The following FSTL4 variants were observed in gnomAD, a reference collection of about 807,000 sequenced individuals.
The protein encoded by FSTL4 is follistatin like 4, also known as follistatin-related protein 4.
FSTL4 carries 28 observed loss-of-function variants against 78.2 expected under a neutral mutation model. The ratio of observed to expected loss-of-function variants is 0.36; its 90% CI spans 0.27 to 0.49. The LOEUF (loss-of-function observed/expected upper bound fraction) is 0.49, where lower values mean the gene tolerates loss of function less well. Ranked by LOEUF, FSTL4 falls within the 20% of genes least tolerant of loss-of-function variation. FSTL4 has a pLI of 0.98. For missense variants in FSTL4, 922 were observed against 1,084.9 expected (o/e 0.85, Z 2.11); for synonymous variants, 422 against 440.5 (o/e 0.96, Z 0.53).
intron 3 of FSTL4, among the ~76,000 whole-genome samples, chr5:133,441,091 T>C (rs924579021): frequency 3.3e-5 from 5 of 152,018 alleles, no homozygotes; most frequent in African/African-American, 9.7e-5. Flanking sequence ...TAGGAAGCAC[T>C]GGTAGGGAGA....
chr5:133,590,821 A>C (rs1220141692), intron 2 of FSTL4, among the ~76,000 whole-genome samples: 2 of 152,182 alleles, frequency 1.3e-5, no homozygotes, highest in Non-Finnish European at 2.9e-5. Context: ...GAGTCTGGGA[A>C]GTCCAAGATT....
intron 4 of FSTL4, among the ~76,000 whole-genome samples, chr5:133,344,141 T>C (rs1175121654): frequency 6.6e-6 from 1 of 152,218 alleles, no homozygotes; most frequent in Middle Eastern, 3.2e-3. Context: ...CACCTTCAGA[T>C]ATTTAATATG....
At chr5:133,807,352 C>G in the FSTL4 span, among the ~76,000 whole-genome samples, 1 of 152,242 alleles carries the variant, frequency 6.6e-6, no homozygotes, top group Non-Finnish European at 1.5e-5. Flanking sequence ...AACTCCATTT[C>G]TGTAAATAGA....
chr5:133,306,291 T>C (rs1030913613), intron 6 of FSTL4, among the ~76,000 whole-genome samples: 19 of 152,216 alleles, frequency 1.2e-4, no homozygotes, highest in African/African-American at 4.6e-4. Flanking sequence ...CACGCAGGGC[T>C]GAGGAGCGGG....
chr5:133,699,682 C>G, the FSTL4 span, among the ~76,000 whole-genome samples: 1 of 152,022 alleles, frequency 6.6e-6, no homozygotes, highest in Non-Finnish European at 1.5e-5. Context: ...GAGATCGAGA[C>G]CATCCTGTCT....
At chr5:133,656,560 G>A in the FSTL4 span, among the ~76,000 whole-genome samples, 4 of 152,072 alleles carry the variant, frequency 2.6e-5, no homozygotes, top group African/African-American at 4.8e-5. Flanking sequence ...CTGCTTGAGC[G>A]TTCTGGGTGG....
Position 133,469,222 on chromosome 5 carries a change from C to T in FSTL4, c.161-68236G>A, listed in dbSNP as rs192851976. Among the ~76,000 whole-genome samples, 721 of 152,268 alleles carry T rather than the reference C, an allele frequency of 4.7e-3. 7 individuals carry two copies. The highest frequency in any genetic ancestry group is 6.6e-3 in the Admixed American group (101 of 15,306). The stretch of plus-strand genomic sequence containing the variant: ...ACCGGATTGTGAAGAGGCCGAATGG[C>T]GATCAAGGTGATAGATTCTCCTCTG... On this transcript the variant is annotated intron_variant, in intron 3 of 15. Transcript: ENST00000265342.
At chr5:133,749,132 C>G in the FSTL4 span, among the ~76,000 whole-genome samples, 2 of 152,198 alleles carry the variant, frequency 1.3e-5, no homozygotes, top group Non-Finnish European at 2.9e-5. Context: ...AGTGCTCAGA[C>G]AGAAGCCACT....
chr5:133,352,802 G>A (rs1039437787), intron 4 of FSTL4, among the ~76,000 whole-genome samples: 4 of 152,082 alleles, frequency 2.6e-5, no homozygotes, highest in Non-Finnish European at 2.9e-5. Flanking sequence ...TTATGGCTGC[G>A]TAGTATTCCA....
In FSTL4 at chr5:133,355,277, T is replaced by C. The variant is rs550994131; in HGVS notation, c.410-38625A>G. 2.6e-5 allele frequency among the ~76,000 whole-genome samples: 4 copies of C among 152,302 alleles called. No individual in the cohort carries two copies. In the South Asian group the frequency reaches 8.3e-4, roughly 32 times the overall value. ...TTTTGAAAACAAATAACACTTAGCA[T>C]GAAGCTAAATTGAATATGACTGAAT... On this transcript the variant is annotated intron_variant, in intron 4 of 15. Transcript: ENST00000265342.
the FSTL4 span, among the ~76,000 whole-genome samples, chr5:133,709,216 G>A: frequency 9.2e-5 from 14 of 152,222 alleles, no homozygotes; most frequent in Non-Finnish European, 2.1e-4. Context: ...GAACTAAGAA[G>A]ATGGGGAGGA....
chr5:133,531,311 A>G (rs823992), intron 3 of FSTL4, among the ~76,000 whole-genome samples: 57,566 of 151,938 alleles, frequency 0.38, 11,073 homozygotes, highest in East Asian at 0.42. Flanking sequence ...AAGGGGAGGA[A>G]GTGAGATGTC....
chr5:133,512,425 G>A (rs1303901371), intron 3 of FSTL4, among the ~76,000 whole-genome samples: 3 of 152,216 alleles, frequency 2.0e-5, no homozygotes, highest in Non-Finnish European at 4.4e-5. Flanking sequence ...ATAGATTGGA[G>A]ATTTGGAGTT....
chr5:133,199,272 T>C lies in FSTL4; in HGVS notation c.2352A>G (p.Pro784=), dbSNP rs185827985. The C allele has an allele frequency of 6.2e-7, 1 of 1,613,892 alleles. No individual in the cohort carries two copies. The highest frequency in any genetic ancestry group is 2.2e-5 in the East Asian group (1 of 44,866). Residue 784 remains proline (P), a synonymous_variant, in exon 16 of 16, where the codon CCA becomes CCG. Transcript: ENST00000265342. The surrounding 1 kb of genome is among the most constrained non-coding windows in gnomAD (Gnocchi z 4.4). ...LKNLKEPPAG[P]AQPWGGTHRI... is the part of the protein sequence containing the mutation. ...TGTGGGTACCCCCCCAGGGCTGAGC[T>C]GGCCCTGCGGGTGGCTCCTTTAAGT...
intron 4 of FSTL4, among the ~76,000 whole-genome samples, chr5:133,330,109 A>G (rs1754308541): frequency 6.6e-6 from 1 of 152,208 alleles, no homozygotes; most frequent in Non-Finnish European, 1.5e-5. Flanking sequence ...TTGTATTCTT[A>G]GGGTTCCACG....
intron 4 of FSTL4, among the ~76,000 whole-genome samples, chr5:133,369,385 G>A (rs1457740674): frequency 6.6e-6 from 1 of 152,114 alleles, no homozygotes; most frequent in Non-Finnish European, 1.5e-5. Context: ...TCCTCAGCAG[G>A]ACCTGGGTGG....
intron 6 of FSTL4, among the ~76,000 whole-genome samples, chr5:133,312,233 C>A (rs1753802443): frequency 6.6e-6 from 1 of 152,190 alleles, no homozygotes; most frequent in Non-Finnish European, 1.5e-5. Context: ...CTCCCTGCCG[C>A]TGCATGGCCA....
At chr5:133,268,353 A>G (rs780369977) in intron 6 of FSTL4, among the ~76,000 whole-genome samples, 8 of 152,192 alleles carry the variant, frequency 5.3e-5, no homozygotes, top group Non-Finnish European at 8.8e-5. Context: ...GGAGAATTCT[A>G]TGCTGACTCC....
At chr5:133,524,810 C>T (rs1450725745) in intron 3 of FSTL4, among the ~76,000 whole-genome samples, 8 of 152,232 alleles carry the variant, frequency 5.3e-5, no homozygotes, top group African/African-American at 1.9e-4. Context: ...CTGCCTGGCC[C>T]AGCTAGTGAG....
Sources: allele counts gnomAD v4.1 joint callset (sites outside exome capture counted in the v4.1 genomes callset), GRCh38; gene constraint gnomAD v4.1.1; non-coding constraint Gnocchi (gnomAD v3.1); transcripts MANE v1.5; gene names NCBI Gene and HGNC (gene_info 2026-07-23, HGNC 2026-07-21).